LURAP1: variants seen among roughly 807,000 people sequenced by gnomAD.
The protein encoded by LURAP1 is NF-kappa-B activator C1orf190.
In LURAP1, 14 loss-of-function variants were observed where a neutral mutation model predicts 19.0. That is an observed-to-expected ratio of 0.74 (90% CI 0.49 to 1.15). The LOEUF (loss-of-function observed/expected upper bound fraction) is 1.15. Among genes scored for constraint, LURAP1 ranks in the 50% most tolerant of loss-of-function variants. The pLI is 0.00. For missense variants in LURAP1, 273 were observed against 309.1 expected, an observed-to-expected ratio of 0.88 and a Z score of 0.87; for synonymous variants, 129 against 131.8, an observed-to-expected ratio of 0.98 and a Z score of 0.14.
chr1:46,203,585 C>T lies in LURAP1; in HGVS notation c.159C>T (p.His53=), dbSNP rs1658617755. The T allele has an allele frequency of 3.8e-6, 6 of 1,585,228 alleles. No homozygotes were observed. The highest frequency in any genetic ancestry group is 1.4e-5 in the African/African-American group (1 of 73,010). The change falls in exon 1 of 2, where the codon CAC becomes CAT. Residue 53 remains histidine, a synonymous_variant. Coordinates refer to ENST00000371980, the MANE Select transcript of LURAP1 (RefSeq NM_001013615.3). ...LLLPGASSTG[H]DLGDKIMALK... ...TCCCAGGGGCGTCTAGCACCGGCCA[C>T]GACTTGGGGGACAAGATCATGGCGC... is the stretch of plus-strand genomic sequence containing the variant.
At chr1:46,207,814 A>G (rs1319471941) in intron 1 of LURAP1, among the ~76,000 whole-genome samples, 1 of 152,032 alleles carries the variant, frequency 6.6e-6, no homozygotes, top group Non-Finnish European at 1.5e-5. Context: ...CTGGGATTAC[A>G]GGCATGAGCC....
At chr1:46,208,674 C>T (rs1486667224) in intron 1 of LURAP1, among the ~76,000 whole-genome samples, 1 of 152,034 alleles carries the variant, frequency 6.6e-6, no homozygotes, top group Non-Finnish European at 1.5e-5. Flanking sequence ...GAAACCCCAT[C>T]TCTACTAAAA....
intron 1 of LURAP1, among the ~76,000 whole-genome samples, chr1:46,212,670 G>A (rs551760677): frequency 1.3e-5 from 2 of 152,046 alleles, no homozygotes; most frequent in African/African-American, 2.4e-5. Context: ...TCTGCCTCCC[G>A]GGTTCAAGTG....
At chr1:46,207,964 T>G (rs1442613481) in intron 1 of LURAP1, among the ~76,000 whole-genome samples, 1 of 151,726 alleles carries the variant, frequency 6.6e-6, no homozygotes, top group Non-Finnish European at 1.5e-5. Flanking sequence ...GCCTCCCGGG[T>G]TCAAGCGATT....
At chr1:46,211,776 T>C (rs182804516) in intron 1 of LURAP1, among the ~76,000 whole-genome samples, 38 of 152,272 alleles carry the variant, frequency 2.5e-4, no homozygotes, top group African/African-American at 9.1e-4. Context: ...TATATATATA[T>C]TTTTTTGAGA....
intron 1 of LURAP1, among the ~76,000 whole-genome samples, chr1:46,212,393 G>A (rs970739000): frequency 6.6e-6 from 1 of 150,922 alleles, no homozygotes; most frequent in Non-Finnish European, 1.5e-5. Flanking sequence ...CCATTCTCCT[G>A]CCTCAGCCTC....
chr1:46,220,069 C>T lies in LURAP1; in HGVS notation c.569C>T (p.Thr190Ile). Residue 190 changes from threonine to isoleucine, a missense_variant, in exon 2 of 2, where the codon ACC (threonine) becomes ATC (isoleucine). Transcript: ENST00000371980. ...RARTEVDVAA[T>I]RLGSLRAVWK... is the part of the protein sequence containing the mutation. ...AGGACTGAGGTGGATGTGGCAGCCACCAGGCTAGGGAGCTTGAGAGCTGTG... is the reference window on the plus strand; with the variant it reads ...AGGACTGAGGTGGATGTGGCAGCCATCAGGCTAGGGAGCTTGAGAGCTGTG... 1 of 1,614,206 alleles carries T rather than the reference C, an allele frequency of 6.2e-7. No individual in the cohort carries two copies. The highest frequency in any genetic ancestry group is 8.5e-7 in the Non-Finnish European group (1 of 1,180,040).
At chr1:46,203,905 A>T (rs954646399) in intron 1 of LURAP1, among the ~76,000 whole-genome samples, 4 of 151,950 alleles carry the variant, frequency 2.6e-5, no homozygotes, top group African/African-American at 9.7e-5. Flanking sequence ...GAGGAGAGAG[A>T]TGAGGACTGG....
chr1:46,211,969 C>G (rs1202551540), intron 1 of LURAP1, among the ~76,000 whole-genome samples: 2 of 152,024 alleles, frequency 1.3e-5, no homozygotes, highest in Non-Finnish European at 2.9e-5. Flanking sequence ...ACCATGTTGG[C>G]CAGGCTGGTC....
intron 1 of LURAP1, among the ~76,000 whole-genome samples, chr1:46,211,565 C>T (rs1018510864): frequency 1.3e-4 from 19 of 151,946 alleles, no homozygotes; most frequent in Admixed American, 3.9e-4. Flanking sequence ...CAGTATTATA[C>T]TTGTCAGATG....
intron 1 of LURAP1, among the ~76,000 whole-genome samples, chr1:46,216,133 GC>G (rs906711100): frequency 3.3e-5 from 4 of 122,668 alleles, no homozygotes; most frequent in Non-Finnish European, 4.8e-5. Context: ...TGCAGGCTCC[GC>G]CCCCCAGGTT....
At chr1:46,211,398 A>G (rs1226932355) in intron 1 of LURAP1, among the ~76,000 whole-genome samples, 1 of 151,190 alleles carries the variant, frequency 6.6e-6, no homozygotes, top group African/African-American at 2.4e-5. Context: ...CACTGTAACA[A>G]TGGCTATGGG....
intron 1 of LURAP1, among the ~76,000 whole-genome samples, chr1:46,219,314 G>C (rs1361281283): frequency 6.6e-6 from 1 of 151,298 alleles, no homozygotes; most frequent in Non-Finnish European, 1.5e-5. Flanking sequence ...AAAAAAAGAA[G>C]TACCCTAAAT....
chr1:46,205,180 C>G (rs754405931), intron 1 of LURAP1, among the ~76,000 whole-genome samples: 1 of 152,032 alleles, frequency 6.6e-6, no homozygotes, highest in Admixed American at 6.6e-5. Flanking sequence ...ATCACTTGAG[C>G]CCAGGAAGAG....
chr1:46,217,652 T>C (rs908961174), intron 1 of LURAP1, among the ~76,000 whole-genome samples: 2 of 151,208 alleles, frequency 1.3e-5, no homozygotes, highest in Non-Finnish European at 2.9e-5. Flanking sequence ...AGGTCAGGAG[T>C]TTGAGACCAG....
At chr1:46,212,790 C>T (rs1392118162) in intron 1 of LURAP1, among the ~76,000 whole-genome samples, 3 of 150,198 alleles carry the variant, frequency 2.0e-5, no homozygotes, top group South Asian at 4.2e-4. Flanking sequence ...GACAGAGTCT[C>T]GCTCTGTCGC....
At chr1:46,215,457 C>T (rs1294861853) in intron 1 of LURAP1, among the ~76,000 whole-genome samples, 2 of 152,136 alleles carry the variant, frequency 1.3e-5, no homozygotes, top group Non-Finnish European at 2.9e-5. Context: ...ATGAAAATAA[C>T]CCACACCATG....
chr1:46,204,623 C>G (rs548009008), intron 1 of LURAP1, among the ~76,000 whole-genome samples: 4 of 152,252 alleles, frequency 2.6e-5, no homozygotes, highest in East Asian at 3.9e-4. Flanking sequence ...GGCTCCGACG[C>G]CTGAGCTGAG....
chr1:46,215,259 AAAAAAC>A (rs1659031591), intron 1 of LURAP1, among the ~76,000 whole-genome samples: 3 of 152,164 alleles, frequency 2.0e-5, no homozygotes, highest in Admixed American at 1.3e-4. Flanking sequence ...GCAAGAGTGA[AAAAAAC>A]AAAAACAAAA....
Sources: gnomAD v4.1 joint callset for allele counts (sites outside exome capture counted in the v4.1 genomes callset) on GRCh38, gnomAD v4.1.1 for gene constraint, MANE v1.5 for transcripts, NCBI Gene and HGNC (gene_info 2026-07-23, HGNC 2026-07-21) for gene names.